Variants in POLR2F observed in about 807,000 individuals in gnomAD.
POLR2F encodes the protein DNA-directed RNA polymerases I, II, and III subunit RPABC2.
A neutral mutation model predicts 22.7 loss-of-function variants in POLR2F; 12 were observed. The observed-to-expected ratio is 0.53, with a 90% confidence interval of 0.34 to 0.86. The LOEUF (loss-of-function observed/expected upper bound fraction) is 0.86. Among genes scored for constraint, POLR2F ranks in the 40% least tolerant of loss-of-function variants. The pLI is 0.02. For missense variants in POLR2F, 126 were observed against 171.5 expected, an observed-to-expected ratio of 0.73 and a Z score of 1.48; for synonymous variants, 57 against 66.0, an observed-to-expected ratio of 0.86 and a Z score of 0.66.
chr22:38,028,437 G>A (rs1419507434), downstream of POLR2F, among the ~76,000 whole-genome samples: 2 of 152,156 alleles, frequency 1.3e-5, no homozygotes, highest in Admixed American at 1.3e-4. Flanking sequence ...AGTGCAGGGT[G>A]ACTGATACGG....
At chr22:38,028,454 A>G (rs536459248), downstream of POLR2F, among the ~76,000 whole-genome samples, 2 of 152,140 alleles carry the variant, frequency 1.3e-5, no homozygotes, top group East Asian at 1.9e-4. Context: ...ACGGGGGCTC[A>G]TGACCCTCTG....
chr22:37,956,101 G>C (rs537458261), intron 1 of POLR2F, among the ~76,000 whole-genome samples: 12 of 151,186 alleles, frequency 7.9e-5, no homozygotes, highest in Admixed American at 2.6e-4. Context: ...GGCGGGGGGG[G>C]GTTTTGAGAC....
downstream of POLR2F, among the ~76,000 whole-genome samples, chr22:38,027,625 C>A (rs2085026382): frequency 6.6e-6 from 1 of 152,204 alleles, no homozygotes; most frequent in South Asian, 2.1e-4. Flanking sequence ...TGGCCCCCAA[C>A]AATCCTCATT....
intron 1 of POLR2F, among the ~76,000 whole-genome samples, chr22:37,955,611 T>A (rs977214799): frequency 2.6e-5 from 4 of 151,240 alleles, no homozygotes; most frequent in Admixed American, 1.3e-4. Context: ...GTACTAGCAA[T>A]ATTTGGGGGC....
downstream of POLR2F, chr22:38,041,342 A>G: frequency 1.8e-6 from 1 of 555,688 alleles, no homozygotes; most frequent in Non-Finnish European, 3.2e-6. Flanking sequence ...AGTGAGGGAC[A>G]CAGCAGGACA....
chr22:37,973,385 A>G, downstream of POLR2F: 1 of 733,564 alleles, frequency 1.4e-6, no homozygotes, highest in Non-Finnish European at 2.2e-6. Context: ...CAGCCTCTTC[A>G]GCCTCCTCAG....
At chr22:37,983,682 C>T, upstream of POLR2F, 1 of 1,560,270 alleles carries the variant, frequency 6.4e-7, no homozygotes, top group South Asian at 1.2e-5. This position sits in a 1 kb window ranked among gnomAD's most constrained non-coding sequence, Gnocchi z 9.5. Context: ...CCGCCGCCGC[C>T]GTCGGGCCCT....
chr22:38,014,997 G>A (rs978944778), intron 1 of POLR2F, among the ~76,000 whole-genome samples: 4 of 151,544 alleles, frequency 2.6e-5, no homozygotes, highest in Admixed American at 1.3e-4. Context: ...TAATAGAGAC[G>A]AGGTTTCACC....
chr22:37,973,728 A>G, downstream of POLR2F: 1 of 1,604,338 alleles, frequency 6.2e-7, no homozygotes, highest in Non-Finnish European at 8.5e-7. Flanking sequence ...GGGAAGGCTG[A>G]GCCATAGTGG....
rs886301282 is a variant in POLR2F, at chr22:37,956,631, G to A, written c.21-142G>A. The A allele has an allele frequency of 7.5e-6, 5 of 665,102 alleles. No homozygotes were observed. The African/African-American group carries it at 8.9e-5, about 12-fold the overall frequency. The allele number at this position is 665,102 out of a possible 1,614,324, so 41.2% of individuals were successfully genotyped here. ...GGGGTTTTGCCTTGTTGGCCAGGCT[G>A]GTCTTGAATTCCTGGCCTCAAGTGA... On this transcript the variant is annotated intron_variant, in intron 1 of 4. Coordinates refer to ENST00000442738, the MANE Select transcript of POLR2F (RefSeq NM_021974.5).
chr22:38,020,234 C>CAT (rs1491028456), intron 1 of POLR2F, among the ~76,000 whole-genome samples: 1 of 149,868 alleles, frequency 6.7e-6, no homozygotes, highest in South Asian at 2.1e-4. Context: ...CACACACACA[C>CAT]ATACATATAT....
intron 3 of POLR2F, among the ~76,000 whole-genome samples, chr22:37,966,343 C>T (rs1931850601): frequency 6.6e-6 from 1 of 151,892 alleles, no homozygotes; most frequent in Non-Finnish European, 1.5e-5. Context: ...GACCAGACTG[C>T]ACTCTGGCCT....
At chr22:37,994,307 C>A (rs866279423) in intron 1 of POLR2F, among the ~76,000 whole-genome samples, 1 of 152,166 alleles carries the variant, frequency 6.6e-6, no homozygotes, top group Non-Finnish European at 1.5e-5. Flanking sequence ...CACCCCAGCT[C>A]ACCTTCAGCT....
Position 38,039,095 on chromosome 22 carries a change from G to A in POLR2F, c.453-1973G>A, listed in dbSNP as rs60227424. Among the ~76,000 whole-genome samples, 1,462 of 152,256 alleles carry A rather than the reference G, an allele frequency of 9.6e-3. 27 individuals carry two copies. The highest frequency in any genetic ancestry group is 0.034 in the African/African-American group (1,416 of 41,558). ...CCATTTCCCGCGGCCCTTGCCTCCC[G>A]GGAGCGGCTCCCCTCTGACGACTGA... is the stretch of plus-strand genomic sequence containing the variant. On this transcript the variant is annotated intron_variant, in intron 5 of 5. Coordinates refer to the POLR2F transcript ENST00000407936.
At chr22:38,010,262 C>A (rs2084859314) in intron 1 of POLR2F, among the ~76,000 whole-genome samples, 1 of 151,994 alleles carries the variant, frequency 6.6e-6, no homozygotes. Flanking sequence ...GTAGTCCCAG[C>A]TACTCGGGAG....
intron 1 of POLR2F, among the ~76,000 whole-genome samples, chr22:37,954,778 G>A (rs1931300559): frequency 6.6e-6 from 1 of 152,190 alleles, no homozygotes; most frequent in South Asian, 2.1e-4. Context: ...AATAAGAAAC[G>A]TGTGGGATTG....
intron 1 of POLR2F, among the ~76,000 whole-genome samples, chr22:37,999,556 G>GA (rs1343501123): frequency 2.6e-5 from 4 of 152,070 alleles, no homozygotes; most frequent in Non-Finnish European, 5.9e-5. Context: ...AATCCTCCCA[G>GA]GTCATCTGCA....
At position 38,016,988 on chromosome 22, in the gene POLR2F, G is replaced by A. The variant is rs1441471003; in HGVS notation, c.121-8881G>A. Among the ~76,000 whole-genome samples, 1 of 152,138 alleles carries A rather than the reference G, an allele frequency of 6.6e-6. No homozygotes were observed. The highest frequency in any genetic ancestry group is 1.5e-5 in the Non-Finnish European group (1 of 68,014). The stretch of plus-strand genomic sequence containing the variant: ...AGCCAGGCCGGGGTGCCGGGGGGCA[G>A]CGCAAGGGGCCAGCCAGCCCCCCAC... On this transcript the variant is annotated intron_variant, in intron 1 of 2. Transcript: ENST00000333418. This position sits in a 1 kb window ranked among gnomAD's most constrained non-coding sequence, Gnocchi z 4.4.
rs1931948439 is a variant in POLR2F at position 37,968,554 on chromosome 22, C to T, written c.*839C>T. 2.0e-6 allele frequency: 2 copies of T among 985,772 alleles called. No homozygotes were observed. The highest frequency in any genetic ancestry group is 2.4e-6 in the Non-Finnish European group (2 of 830,166). 61.1% of individuals were successfully genotyped at this position (985,772 alleles called of 1,614,324 possible). A position where few individuals can be genotyped will look rare whatever the true frequency, so the allele number is the denominator to read the frequency against. On this transcript the variant is annotated 3_prime_UTR_variant, in exon 5 of 5. Transcript: ENST00000442738. ...TAAGTCAGAGCTGGAGTTCCCCCTT[C>T]CTCTGCCTGAGGTTCTAATGGGTCC... is the stretch of plus-strand genomic sequence containing the variant.
Sources: allele counts gnomAD v4.1 joint callset (sites outside exome capture counted in the v4.1 genomes callset), GRCh38; gene constraint gnomAD v4.1.1; non-coding constraint Gnocchi (gnomAD v3.1); transcripts MANE v1.5; gene names NCBI Gene and HGNC (gene_info 2026-07-23, HGNC 2026-07-21).